The following GUCY1A2 variants were observed in gnomAD, a reference collection of about 807,000 sequenced individuals.
GUCY1A2 encodes guanylate cyclase soluble subunit alpha-2.
Under a neutral mutation model 63.5 loss-of-function variants are expected in GUCY1A2, and 27 were observed. The observed-to-expected ratio is 0.43, with a 90% CI of 0.31 to 0.59. The LOEUF (loss-of-function observed/expected upper bound fraction) is 0.59, where lower values mean the gene tolerates loss of function less well. Among genes scored for constraint, GUCY1A2 ranks in the 20% least tolerant of loss-of-function variants. GUCY1A2 has a pLI of 0.11. For missense variants in GUCY1A2, 768 were observed against 913.3 expected, an observed-to-expected ratio of 0.84 and a Z score of 2.05; for synonymous variants, 364 against 343.5, an observed-to-expected ratio of 1.06 and a Z score of -0.66.
intron 1 of GUCY1A2, among the ~76,000 whole-genome samples, chr11:107,011,948 T>C (rs1861752051): frequency 6.6e-6 from 1 of 152,164 alleles, no homozygotes; most frequent in Non-Finnish European, 1.5e-5. Flanking sequence ...AGATGAAGAA[T>C]GCTTGGAATT....
chr11:106,745,518 G>A (rs1226384084), intron 6 of GUCY1A2, among the ~76,000 whole-genome samples: 1 of 152,104 alleles, frequency 6.6e-6, no homozygotes, highest in East Asian at 1.9e-4. Flanking sequence ...CCACCATTTA[G>A]TGAATTGAGA....
intron 1 of GUCY1A2, among the ~76,000 whole-genome samples, chr11:107,011,876 G>T (rs529833011): frequency 6.6e-6 from 1 of 151,928 alleles, no homozygotes; most frequent in African/African-American, 2.4e-5. Context: ...CATTAGCTAT[G>T]TAATTGTTGC....
chr11:106,708,654 T>C lies in GUCY1A2; in HGVS notation c.1849A>G (p.Ile617Val). ...CCAGCCAGCACGGAGCCTGAGTGAATTCCTATCCTCATCTAAAGAAGAATG... is the reference window on the plus strand; with the variant it reads ...CCAGCCAGCACGGAGCCTGAGTGAACTCCTATCCTCATCTAAAGAAGAATG... ...DGRPIQMRIG[I>V]HSGSVLAGVV... Residue 617 changes from isoleucine (I) to valine (V), a missense_variant, in exon 7 of 8, where the codon ATT becomes GTT. This residue lies in a region of GUCY1A2 where 150 missense variants were observed against 188.3 expected (regional missense o/e 0.80). Coordinates refer to ENST00000526355, the MANE Select transcript of GUCY1A2 (RefSeq NM_000855.3). 6.3e-7 allele frequency: 1 copy of C among 1,596,992 alleles called. No individual in the cohort carries two copies. Among genetic ancestry groups the C allele is most frequent in the Non-Finnish European group, 8.5e-7 (1 of 1,169,900 alleles).
intron 4 of GUCY1A2, among the ~76,000 whole-genome samples, chr11:106,857,640 C>A (rs1859455270): frequency 6.6e-6 from 1 of 152,164 alleles, no homozygotes; most frequent in Non-Finnish European, 1.5e-5. Context: ...CTCTCTGTAT[C>A]TGTGGGCTCC....
intron 4 of GUCY1A2, among the ~76,000 whole-genome samples, chr11:106,892,166 G>A (rs1859983348): frequency 1.3e-5 from 2 of 151,780 alleles, no homozygotes; most frequent in South Asian, 4.1e-4. Context: ...ATTGTAAATG[G>A]CATTTTAAAA....
intron 7 of GUCY1A2, among the ~76,000 whole-genome samples, chr11:106,706,733 T>TATC (rs1240218166): frequency 6.6e-6 from 1 of 151,600 alleles, no homozygotes; most frequent in Non-Finnish European, 1.5e-5. Flanking sequence ...GGAAAATAAG[T>TATC]ATCAATACCA....
intron 1 of GUCY1A2, among the ~76,000 whole-genome samples, chr11:107,004,901 T>G (rs1861653272): frequency 6.6e-6 from 1 of 151,936 alleles, no homozygotes; most frequent in Non-Finnish European, 1.5e-5. Context: ...ATTCAAGGAG[T>G]GCATCATAGA....
At chr11:107,001,198 G>A (rs1342570587) in intron 1 of GUCY1A2, among the ~76,000 whole-genome samples, 1 of 152,130 alleles carries the variant, frequency 6.6e-6, no homozygotes, top group African/African-American at 2.4e-5. Context: ...AAGAAAATAG[G>A]TAGCAGAGCA....
intron 4 of GUCY1A2, among the ~76,000 whole-genome samples, chr11:106,840,683 C>T (rs1859183806): frequency 6.6e-6 from 1 of 151,868 alleles, no homozygotes; most frequent in South Asian, 2.1e-4. Flanking sequence ...TTGTATTCTA[C>T]TTTTGGCAAC....
chr11:106,685,753 G>C lies in GUCY1A2; in HGVS notation c.*1796C>G, dbSNP rs1006510836. The C allele has an allele frequency of 4.4e-6, 1 of 226,976 alleles. No homozygotes were observed. Among genetic ancestry groups the C allele is most frequent in the African/African-American group, 2.2e-5 (1 of 44,972 alleles). 14.1% of individuals were successfully genotyped at this position (226,976 alleles called of 1,614,324 possible). A position where few individuals can be genotyped will look rare whatever the true frequency, so the allele number is the denominator to read the frequency against. On this transcript the variant is annotated 3_prime_UTR_variant, in exon 8 of 8. Transcript: ENST00000526355. ...CACAGGCCCACAGAAGAGGGGGTCAGGCAAAGGTTTAGAGCTCAAGGTCTA... is the reference window on the plus strand; with the variant it reads ...CACAGGCCCACAGAAGAGGGGGTCACGCAAAGGTTTAGAGCTCAAGGTCTA...
rs547137395 is a variant in GUCY1A2 at position 106,832,723 on chromosome 11, A to G, written c.1207-22245T>C. 2.0e-5 allele frequency among the ~76,000 whole-genome samples: 3 copies of G among 152,280 alleles called. No individual in the cohort carries two copies. In the East Asian group the frequency reaches 5.8e-4, roughly 29 times the overall value. On this transcript the variant is annotated intron_variant, in intron 4 of 7. Coordinates refer to ENST00000526355, the MANE Select transcript of GUCY1A2 (RefSeq NM_000855.3). ...TGAATGTTTTCCTGACATCTTTAAA[A>G]TAATAAATGAACCTATATAACACAA... is the stretch of plus-strand genomic sequence containing the variant.
rs1182379211 is a variant in GUCY1A2, at chr11:106,917,927, AAAACTT to A, written c.1206+21527_1206+21532del. 4.2e-5 allele frequency among the ~76,000 whole-genome samples: 6 copies of A among 142,722 alleles called. 1 individual carries two copies. The highest frequency in any genetic ancestry group is 1.5e-4 in the African/African-American group (6 of 40,560). 93.6% of individuals were successfully genotyped at this position (142,722 alleles called of 152,430 possible). ...CCTACACGTTGTGCACAGGTACCCT[AAAACTT>A]AAAGTATAAAAAAAAAAAAAAGAAA... On this transcript the variant is annotated intron_variant, in intron 4 of 7. Transcript: ENST00000526355.
At chr11:106,726,053 A>G (rs1176903617) in intron 6 of GUCY1A2, among the ~76,000 whole-genome samples, 1 of 152,214 alleles carries the variant, frequency 6.6e-6, no homozygotes, top group Non-Finnish European at 1.5e-5. Context: ...CATCAAGAGT[A>G]TAAGATTGAC....
intron 4 of GUCY1A2, among the ~76,000 whole-genome samples, chr11:106,870,095 G>A (rs1050444892): frequency 9.1e-5 from 12 of 131,978 alleles, no homozygotes; most frequent in Non-Finnish European, 1.5e-4. Context: ...TCACACACCA[G>A]GGCCTCTTGT....
chr11:106,816,832 A>C (rs942226879), intron 4 of GUCY1A2, among the ~76,000 whole-genome samples: 1 of 152,030 alleles, frequency 6.6e-6, no homozygotes, highest in Non-Finnish European at 1.5e-5. Context: ...GCTTTACATT[A>C]AAAAATTTGA....
At chr11:106,730,202 C>T (rs943762322) in intron 6 of GUCY1A2, among the ~76,000 whole-genome samples, 8 of 150,494 alleles carry the variant, frequency 5.3e-5, no homozygotes, top group African/African-American at 2.0e-4. Flanking sequence ...GTTTGTTGTA[C>T]AGATAATTTC....
chr11:106,930,378 G>A (rs188215920), intron 4 of GUCY1A2, among the ~76,000 whole-genome samples: 2 of 152,302 alleles, frequency 1.3e-5, no homozygotes, highest in East Asian at 1.9e-4. Context: ...AGGCTGGAGT[G>A]CAGTGGTGCG....
chr11:106,872,406 T>A (rs1859691841), intron 4 of GUCY1A2, among the ~76,000 whole-genome samples: 1 of 152,202 alleles, frequency 6.6e-6, no homozygotes, highest in East Asian at 1.9e-4. Context: ...CCAGTCAAGT[T>A]GCTTATTATT....
rs1591280118 is a variant in GUCY1A2 at position 106,794,639 on chromosome 11, T to G, written c.1692+15354A>C. ...CATTGTCAACCTTAAATTTATACTA[T>G]TTTTATTTAATTATTAATATAACCC... On this transcript the variant is annotated intron_variant, in intron 5 of 7. Coordinates refer to ENST00000526355, the MANE Select transcript of GUCY1A2 (RefSeq NM_000855.3). 2.0e-5 allele frequency among the ~76,000 whole-genome samples: 3 copies of G among 152,176 alleles called. No homozygotes were observed. The East Asian group carries it at 5.8e-4, about 29-fold the overall frequency.
Sources: allele counts gnomAD v4.1 joint callset (sites outside exome capture counted in the v4.1 genomes callset), GRCh38; gene constraint gnomAD v4.1.1; regional missense constraint gnomAD v4.1.1; transcripts MANE v1.5; gene names NCBI Gene and HGNC (gene_info 2026-07-23, HGNC 2026-07-21).